Variants in CDH4 observed in about 807,000 individuals in gnomAD.
The protein encoded by CDH4 is cadherin-4.
In CDH4, 33 loss-of-function variants were observed where a neutral mutation model predicts 86.0. The observed-to-expected ratio is 0.38, with a 90% CI of 0.29 to 0.51. The LOEUF is 0.51. Ranked by LOEUF, CDH4 falls within the 20% of genes least tolerant of loss-of-function variation. The probability of loss-of-function intolerance (pLI) is 0.86; values close to 1 mark genes in which losing one functional copy is unlikely to be tolerated. For synonymous variants in CDH4, 555 were observed against 549.4 expected (o/e 1.01, Z -0.14); for missense variants, 1,114 against 1,307.4 (o/e 0.85, Z 2.28).
intron 4 of CDH4, among the ~76,000 whole-genome samples, chr20:61,817,278 G>A (rs1211268379): frequency 2.6e-5 from 4 of 152,068 alleles, no homozygotes; most frequent in African/African-American, 9.7e-5. Context: ...GCCCCTCACC[G>A]GGCCCAGCCC....
intron 2 of CDH4, among the ~76,000 whole-genome samples, chr20:61,611,802 G>A (rs1461217058): frequency 6.6e-6 from 1 of 152,138 alleles, no homozygotes; most frequent in Admixed American, 6.5e-5. Context: ...CCTGGGTGTG[G>A]ATCTGAGCTC....
At position 61,787,546 on chromosome 20, in the gene CDH4, T is replaced by C. The variant is rs141872140; in HGVS notation, c.576+14364T>C. 3.9e-3 allele frequency among the ~76,000 whole-genome samples: 598 copies of C among 152,244 alleles called. 3 individuals carry two copies. The highest frequency in any genetic ancestry group is 6.1e-3 in the Non-Finnish European group (415 of 68,004). ...TTATGGGAACTACAATTCAAGATGA[T>C]ATTTGGGTGGGGCCACAGCGAAACC... On this transcript the variant is annotated intron_variant, in intron 4 of 15. Transcript: ENST00000614565.
intron 2 of CDH4, among the ~76,000 whole-genome samples, chr20:61,532,880 CAGTGTGGCGTAGCTGGGCTCTCTGCT>C (rs2085966346): frequency 6.6e-6 from 1 of 152,146 alleles, no homozygotes; most frequent in African/African-American, 2.4e-5. Flanking sequence ...TTTGGCAGGT[CAGTGTGGCGTAGCTGGGCTCTCTGCT>C]CAGGTCTCCC....
intron 10 of CDH4, 141 bp from the exon 11 acceptor site, chr20:61,924,193 G>A (rs998996684): frequency 7.0e-5 from 58 of 833,490 alleles, no homozygotes; most frequent in Non-Finnish European, 1.0e-4. Context: ...CCCTAGAGGA[G>A]GACAAGGCCT....
intron 2 of CDH4, among the ~76,000 whole-genome samples, chr20:61,263,568 G>A (rs1026621521): frequency 2.6e-5 from 4 of 152,172 alleles, no homozygotes; most frequent in African/African-American, 9.7e-5. Flanking sequence ...GTATGGGCAG[G>A]GGACTTTGTC....
At position 61,518,025 on chromosome 20, in the gene CDH4, G is replaced by A. The variant is rs1322005640; in HGVS notation, c.170-225538G>A. On this transcript the variant is annotated intron_variant, in intron 2 of 15. Transcript: ENST00000614565. The surrounding 1 kb of genome is among the most constrained non-coding windows in gnomAD (Gnocchi z 6.3). ...CTCCCCGTGCGGGGAGGATGCCTCA[G>A]CCCAGGTTACCTGATCCCTTTTCAG... Among the ~76,000 whole-genome samples, 1 of 151,558 alleles carries A rather than the reference G, an allele frequency of 6.6e-6. No individual in the cohort carries two copies. Among genetic ancestry groups the A allele is most frequent in the Non-Finnish European group, 1.5e-5 (1 of 67,950 alleles).
chr20:61,268,136 G>A (rs1345983093), intron 2 of CDH4, among the ~76,000 whole-genome samples: 1 of 152,270 alleles, frequency 6.6e-6, no homozygotes, highest in African/African-American at 2.4e-5. Context: ...CTCTTTCTGT[G>A]TTGGGCAGCT....
rs541282099 is a variant in CDH4, at chr20:61,328,260, C to A, written c.169+73323C>A. Among the ~76,000 whole-genome samples, 638 of 152,242 alleles carry A rather than the reference C, an allele frequency of 4.2e-3. 1 individual carries two copies. Among genetic ancestry groups the A allele is most frequent in the South Asian group, 0.01 (50 of 4,820 alleles). On this transcript the variant is annotated intron_variant, in intron 2 of 15. Transcript: ENST00000614565. ...GTGCAATCTCGGCTCACTGCAACCT[C>A]CACCTCCTGGGTTCAAGCGATTCTC...
intron 3 of CDH4, among the ~76,000 whole-genome samples, chr20:61,770,899 CAGAA>C (rs1367082817): frequency 9.5e-4 from 142 of 149,908 alleles, no homozygotes; most frequent in African/African-American, 3.1e-3. Flanking sequence ...AAAAAAAACA[CAGAA>C]AGGTAAAAGG....
intron 2 of CDH4, among the ~76,000 whole-genome samples, chr20:61,313,027 C>T (rs541384122): frequency 1.3e-5 from 2 of 152,318 alleles, no homozygotes; most frequent in Admixed American, 1.3e-4. Context: ...CTTCCCTATC[C>T]CTGCCCCAGG....
intron 2 of CDH4, among the ~76,000 whole-genome samples, chr20:61,341,861 TC>T (rs1358243802): frequency 6.6e-6 from 1 of 152,208 alleles, no homozygotes; most frequent in East Asian, 1.9e-4. Context: ...GAGACGCCCA[TC>T]CTGCCTTGAG....
intron 2 of CDH4, among the ~76,000 whole-genome samples, chr20:61,609,369 G>A (rs61578221): frequency 0.044 from 6,673 of 152,226 alleles, 530 homozygotes; most frequent in African/African-American, 0.15. Context: ...GTGATTTTGC[G>A]ACAAGCACTG....
chr20:61,426,524 G>T (rs529881701), intron 2 of CDH4, among the ~76,000 whole-genome samples: 1 of 152,146 alleles, frequency 6.6e-6, no homozygotes, highest in African/African-American at 2.4e-5. Flanking sequence ...TGCAGAAGAC[G>T]GTCTGCCTGT....
intron 2 of CDH4, among the ~76,000 whole-genome samples, chr20:61,432,833 A>ATT (rs36067606): frequency 0.04 from 4,093 of 101,624 alleles, 81 homozygotes; most frequent in Non-Finnish European, 0.053. Context: ...TAAATCCATG[A>ATT]TTTTTTTTTT....
At chr20:61,893,106 GGATA>G (rs1284782176) in intron 7 of CDH4, among the ~76,000 whole-genome samples, 3 of 149,880 alleles carry the variant, frequency 2.0e-5, no homozygotes, top group Non-Finnish European at 4.4e-5. Context: ...GTGGGTGGAT[GGATA>G]GATGGATGGG....
At chr20:61,640,297 C>T (rs568372816) in intron 2 of CDH4, among the ~76,000 whole-genome samples, 10 of 152,362 alleles carry the variant, frequency 6.6e-5, no homozygotes, top group African/African-American at 9.6e-5. Context: ...CGTGCCTCGG[C>T]GGCCTGGCTC....
At chr20:61,317,719 C>G (rs2084484457) in intron 2 of CDH4, among the ~76,000 whole-genome samples, 1 of 152,170 alleles carries the variant, frequency 6.6e-6, no homozygotes, top group Non-Finnish European at 1.5e-5. Context: ...CCAGTGTCCC[C>G]TGGGAGCAGG....
At chr20:61,348,877 A>C (rs910988321) in intron 2 of CDH4, among the ~76,000 whole-genome samples, 5 of 152,212 alleles carry the variant, frequency 3.3e-5, no homozygotes, top group African/African-American at 1.2e-4. Context: ...TAATTGACAC[A>C]GGGTCTCTAA....
At chr20:61,875,506 A>G (rs1463205273) in intron 7 of CDH4, among the ~76,000 whole-genome samples, 1 of 152,210 alleles carries the variant, frequency 6.6e-6, no homozygotes, top group Non-Finnish European at 1.5e-5. Context: ...TCCAAGGATC[A>G]GAGATGGAGT....
Sources: gnomAD v4.1 joint callset for allele counts (sites outside exome capture counted in the v4.1 genomes callset) on GRCh38, gnomAD v4.1.1 for gene constraint, Gnocchi (gnomAD v3.1) non-coding constraint, MANE v1.5 for transcripts, NCBI Gene and HGNC (gene_info 2026-07-23, HGNC 2026-07-21) for gene names.